The following MAFK variants were observed in gnomAD, a reference collection of about 807,000 sequenced individuals.
MAFK encodes the protein MAF bZIP transcription factor K, also known as transcription factor MafK.
Under a neutral mutation model 9.2 loss-of-function variants are expected in MAFK, and 1 was observed. That is an observed-to-expected ratio of 0.11 (90% CI 0.04 to 0.52). The LOEUF (loss-of-function observed/expected upper bound fraction) is 0.52, where lower values mean the gene tolerates loss of function less well. Ranked by LOEUF, MAFK falls within the 20% of genes least tolerant of loss-of-function variation. The pLI, the probability that MAFK is intolerant of heterozygous loss-of-function variation, is 0.94. For synonymous variants in MAFK, 110 were observed against 107.4 expected (o/e 1.02, Z -0.15); for missense variants, 207 against 236.0 (o/e 0.88, Z 0.81).
rs1457270312 is a variant in MAFK at position 1,540,621 on chromosome 7, G to T, written c.*246G>T. The T allele has an allele frequency of 1.9e-6, 1 of 521,214 alleles. No individual in the cohort carries two copies. Among genetic ancestry groups the T allele is most frequent in the African/African-American group, 2.0e-5 (1 of 50,318 alleles). 32.3% of individuals were successfully genotyped at this position (521,214 alleles called of 1,614,324 possible). Reference sequence around the variant, plus strand: ...CCGCCACCTGCTCCCCGCAGGATGTGTCTGTGTGTGGGAATTGGTATCTTG... The same window carrying T: ...CCGCCACCTGCTCCCCGCAGGATGTTTCTGTGTGTGGGAATTGGTATCTTG... On this transcript the variant is annotated 3_prime_UTR_variant, in exon 3 of 3. Transcript: ENST00000343242.
chr7:1,533,233 G>A (rs1403159055), intron 1 of MAFK, among the ~76,000 whole-genome samples: 2 of 152,206 alleles, frequency 1.3e-5, no homozygotes, highest in African/African-American at 2.4e-5. Flanking sequence ...ACTGTGCGTC[G>A]GGTGTCCTGG....
At position 1,532,016 on chromosome 7, in the gene MAFK, C is replaced by T. The variant is rs981394320; in HGVS notation, c.-45+1118C>T. On this transcript the variant is annotated intron_variant, in intron 1 of 2. Coordinates refer to ENST00000343242, the MANE Select transcript of MAFK (RefSeq NM_002360.4). This position sits in a 1 kb window ranked among gnomAD's most constrained non-coding sequence, Gnocchi z 4.5. ...AGCCAGCCAATCTCTGGCCAGGTGC[C>T]TGGCCTTGGGAAGATCCTGAGACTC... is the stretch of plus-strand genomic sequence containing the variant. Among the ~76,000 whole-genome samples, 3 of 152,254 alleles carry T rather than the reference C, an allele frequency of 2.0e-5. No individual in the cohort carries two copies. Among genetic ancestry groups the T allele is most frequent in the African/African-American group, 4.8e-5 (2 of 41,468 alleles).
chr7:1,539,909 C>T (rs1400496211), intron 2 of MAFK, 32 bp from the exon 3 acceptor site: 5 of 1,478,486 alleles, frequency 3.4e-6, no homozygotes, highest in African/African-American at 1.4e-5. Flanking sequence ...CCCACGTTCT[C>T]CCGCCGCTGA....
intron 1 of MAFK, among the ~76,000 whole-genome samples, chr7:1,535,102 TG>T (rs1268548737): frequency 1.9e-4 from 29 of 150,246 alleles, no homozygotes; most frequent in Admixed American, 2.6e-4. Context: ...TTTTTTTTTT[TG>T]TAGAGATGGG....
chr7:1,540,056 G>C lies in MAFK; in HGVS notation c.152G>C (p.Arg51Pro). The C allele has an allele frequency of 6.4e-7, 1 of 1,558,804 alleles. No individual in the cohort carries two copies. Among genetic ancestry groups the C allele is most frequent in the Non-Finnish European group, 8.7e-7 (1 of 1,151,384 alleles). Residue 51 changes from arginine (R) to proline (P), a missense_variant, in exon 3 of 3, where the codon CGC becomes CCC. Physicochemically the swap from Arg to Pro is moderately radical, Grantham distance 103. Coordinates refer to ENST00000343242, the MANE Select transcript of MAFK (RefSeq NM_002360.4). ...GGTCTCACCAAGGAGGAGGTGACCC[G>C]CCTGAAGCAGCGTCGGCGCACACTC... ...LRGLTKEEVT[R>P]LKQRRRTLKN... is the part of the protein sequence containing the mutation.
chr7:1,539,852 G>T (rs1384259287), intron 2 of MAFK, 89 bp from the exon 3 acceptor site: 2 of 1,156,336 alleles, frequency 1.7e-6, no homozygotes, highest in South Asian at 3.2e-5. Flanking sequence ...GCGTGCAGGG[G>T]CACCGCTGGG....
At chr7:1,535,825 G>A (rs373884018) in intron 1 of MAFK, among the ~76,000 whole-genome samples, 52 of 152,138 alleles carry the variant, frequency 3.4e-4, no homozygotes, top group Non-Finnish European at 7.4e-5. Context: ...GGGCGGAGCC[G>A]CCCTGCCCTG....
rs1473642305 is a variant in MAFK at position 1,532,881 on chromosome 7, TGA to T, written c.-45+1989_-45+1990del. 6.6e-6 allele frequency among the ~76,000 whole-genome samples: 1 copy of T among 152,314 alleles called. No individual in the cohort carries two copies. Among genetic ancestry groups the T allele is most frequent in the East Asian group, 1.9e-4 (1 of 5,190 alleles). The stretch of plus-strand genomic sequence containing the variant: ...CACGGGAAATGGAAATCTGGCCAGC[TGA>T]GAGAGGGCTCCGTGTGGCCGCCTTT... On this transcript the variant is annotated intron_variant, in intron 1 of 2. Coordinates refer to ENST00000343242, the MANE Select transcript of MAFK (RefSeq NM_002360.4). The surrounding 1 kb of genome is among the most constrained non-coding windows in gnomAD (Gnocchi z 4.5).
chr7:1,536,473 CT>C (rs1274306891), intron 1 of MAFK, among the ~76,000 whole-genome samples: 1 of 152,210 alleles, frequency 6.6e-6, no homozygotes, highest in Non-Finnish European at 1.5e-5. Flanking sequence ...CGCTTTCCCC[CT>C]GGATGACACC....
rs942284880 is a variant in MAFK at position 1,541,609 on chromosome 7, T to G, written c.*1234T>G. On this transcript the variant is annotated 3_prime_UTR_variant, in exon 3 of 3. Transcript: ENST00000343242. ...CGGGTGGGGAGGCAGCAGGCACCAGTCCAGGAGAGCTTCGTGGACGTGGCT... is the reference window on the plus strand; with the variant it reads ...CGGGTGGGGAGGCAGCAGGCACCAGGCCAGGAGAGCTTCGTGGACGTGGCT... 2.0e-5 allele frequency: 3 copies of G among 152,244 alleles called. No individual in the cohort carries two copies. The highest frequency in any genetic ancestry group is 7.3e-5 in the African/African-American group (3 of 41,314). 9.4% of individuals were successfully genotyped at this position (152,244 alleles called of 1,614,324 possible).
chr7:1,540,484 C>A lies in MAFK; in HGVS notation c.*109C>A. On this transcript the variant is annotated 3_prime_UTR_variant, in exon 3 of 3. Transcript: ENST00000343242. The stretch of plus-strand genomic sequence containing the variant: ...CAGACTCTCGACATCCGAGTCCAAG[C>A]GCAGGCCCCTCGGGCGCAGGCAGCT... 1 of 1,134,096 alleles carries A rather than the reference C, an allele frequency of 8.8e-7. No individual in the cohort carries two copies. The highest frequency in any genetic ancestry group is 1.6e-5 in the South Asian group (1 of 61,630). 70.3% of individuals were successfully genotyped at this position (1,134,096 alleles called of 1,614,324 possible). A position where few individuals can be genotyped will look rare whatever the true frequency, so the allele number is the denominator to read the frequency against.
chr7:1,533,125 C>T (rs973209379), intron 1 of MAFK, among the ~76,000 whole-genome samples: 19 of 152,244 alleles, frequency 1.2e-4, no homozygotes, highest in East Asian at 7.7e-4. Context: ...CCCCACCCCC[C>T]GACCAGCTGC....
chr7:1,538,345 C>A (rs913752415), intron 1 of MAFK: 2 of 984,562 alleles, frequency 2.0e-6, no homozygotes, highest in Admixed American at 6.1e-5. Flanking sequence ...TGGCTGCGGC[C>A]CCCGGACCTG....
intron 1 of MAFK, chr7:1,537,485 C>T: frequency 5.1e-6 from 5 of 985,572 alleles, no homozygotes; most frequent in Non-Finnish European, 6.0e-6. Context: ...CAGCCGCCGG[C>T]ATTTGCAGGT....
intron 1 of MAFK, chr7:1,538,189 G>C: frequency 1.2e-6 from 1 of 832,446 alleles, no homozygotes; most frequent in South Asian, 5.5e-5. Flanking sequence ...GGCTCATGCC[G>C]GGGATGCTTT....
rs1309660308 is a variant in MAFK, at chr7:1,542,457, G to T, written c.*2082G>T. On this transcript the variant is annotated 3_prime_UTR_variant, in exon 3 of 3. Transcript: ENST00000343242. ...CAGGACAGGCCGCAGCGGGTGGCCGGTTCTGTCCCGTCTTGGGGTTCTTGG... is the reference window on the plus strand; with the variant it reads ...CAGGACAGGCCGCAGCGGGTGGCCGTTTCTGTCCCGTCTTGGGGTTCTTGG... 1 of 152,402 alleles carries T rather than the reference G, an allele frequency of 6.6e-6. No homozygotes were observed. Among genetic ancestry groups the T allele is most frequent in the Non-Finnish European group, 1.5e-5 (1 of 68,082 alleles). 9.4% of individuals were successfully genotyped at this position (152,402 alleles called of 1,614,324 possible).
chr7:1,539,256 C>T (rs757707514), intron 2 of MAFK, 28 bp downstream of exon 2: 2 of 1,593,036 alleles, frequency 1.3e-6, no homozygotes, highest in South Asian at 2.2e-5. Context: ...CAGGCCCCGT[C>T]TCAAGCACAG....
chr7:1,539,490 G>C (rs560993564), intron 2 of MAFK, among the ~76,000 whole-genome samples: 10 of 151,922 alleles, frequency 6.6e-5, no homozygotes, highest in African/African-American at 2.4e-4. Flanking sequence ...TGTCCGCCGG[G>C]CGCTACTGCA....
chr7:1,539,173 C>T lies in MAFK; in HGVS notation c.-20C>T, dbSNP rs772821537. 4.3e-6 allele frequency: 7 copies of T among 1,613,112 alleles called. No homozygotes were observed. Among genetic ancestry groups the T allele is most frequent in the Admixed American group, 3.3e-5 (2 of 59,880 alleles). On this transcript the variant is annotated 5_prime_UTR_variant, in exon 2 of 3. Transcript: ENST00000343242. ...GCTACGAGTTCCAGGGAGCTCTGTCCTGGTGACCGTGCCCGGGTTATGACG... is the reference window on the plus strand; with the variant it reads ...GCTACGAGTTCCAGGGAGCTCTGTCTTGGTGACCGTGCCCGGGTTATGACG...
Sources: allele counts gnomAD v4.1 joint callset (sites outside exome capture counted in the v4.1 genomes callset), GRCh38; gene constraint gnomAD v4.1.1; non-coding constraint Gnocchi (gnomAD v3.1); transcripts MANE v1.5; gene names NCBI Gene and HGNC (gene_info 2026-07-23, HGNC 2026-07-21).